Variants in SAMMSON observed in about 807,000 individuals in gnomAD.
SAMMSON encodes long intergenic non-protein coding RNA 1212.
At chr3:70,252,944 G>A (rs6549307) in intron 6 of SAMMSON, among the ~76,000 whole-genome samples, 146,208 of 152,010 alleles carry the variant, frequency 0.96, 70,537 homozygotes, top group Non-Finnish European at 1. Context: ...GCCGGCTGTG[G>A]TGGCAGGCGC....
At chr3:70,392,373 A>C (rs1231704020), downstream of SAMMSON, among the ~76,000 whole-genome samples, 1 of 152,178 alleles carries the variant, frequency 6.6e-6, no homozygotes, top group Non-Finnish European at 1.5e-5. Flanking sequence ...GAAGTTGCAG[A>C]AGGCACAAGC....
At chr3:70,067,527 G>A (rs2067214631) in intron 3 of SAMMSON, among the ~76,000 whole-genome samples, 1 of 151,990 alleles carries the variant, frequency 6.6e-6, no homozygotes, top group Non-Finnish European at 1.5e-5. Flanking sequence ...AGAAAGGAGG[G>A]TTGTCTGGAT....
At chr3:70,204,087 T>G (rs1701267918) in intron 4 of SAMMSON, among the ~76,000 whole-genome samples, 1 of 152,184 alleles carries the variant, frequency 6.6e-6, no homozygotes, top group Admixed American at 6.6e-5. Flanking sequence ...TTACAAAATC[T>G]GCATGTGTGA....
At chr3:70,308,908 G>A (rs1206238635) in intron 7 of SAMMSON, among the ~76,000 whole-genome samples, 4 of 152,114 alleles carry the variant, frequency 2.6e-5, no homozygotes, top group South Asian at 2.1e-4. Context: ...GTTCCAAGCC[G>A]AATAAGGCAT....
intron 3 of SAMMSON, among the ~76,000 whole-genome samples, chr3:70,050,646 A>C (rs2067142611): frequency 6.6e-6 from 1 of 152,130 alleles, no homozygotes; most frequent in African/African-American, 2.4e-5. Flanking sequence ...CTCATGGTTG[A>C]ATCAGATTTG....
At chr3:70,288,939 G>C (rs1350864264) in intron 6 of SAMMSON, among the ~76,000 whole-genome samples, 1 of 151,538 alleles carries the variant, frequency 6.6e-6, no homozygotes, top group Admixed American at 6.6e-5. Context: ...CTTTTATTTT[G>C]AGCCTATGTG....
intron 2 of SAMMSON, among the ~76,000 whole-genome samples, chr3:70,419,671 C>G (rs1701296032): frequency 6.6e-6 from 1 of 152,200 alleles, no homozygotes; most frequent in Admixed American, 6.5e-5. Context: ...CTGAGTCCCG[C>G]TCTGTCACCC....
At chr3:70,146,024 A>G (rs1349573704) in intron 4 of SAMMSON, among the ~76,000 whole-genome samples, 1 of 152,056 alleles carries the variant, frequency 6.6e-6, no homozygotes, top group Non-Finnish European at 1.5e-5. Context: ...ATCACTACAG[A>G]CATTAAAAGG....
intron 7 of SAMMSON, among the ~76,000 whole-genome samples, chr3:70,340,523 T>C (rs569102040): frequency 1.2e-4 from 18 of 152,100 alleles, no homozygotes; most frequent in Non-Finnish European, 2.1e-4. Context: ...TGTACCTAAA[T>C]TGTTGGGACA....
intron 3 of SAMMSON, among the ~76,000 whole-genome samples, chr3:70,055,680 C>T (rs1289455501): frequency 6.6e-6 from 1 of 152,116 alleles, no homozygotes; most frequent in African/African-American, 2.4e-5. Flanking sequence ...TTTTCTAAGG[C>T]ATGTGGAATT....
At chr3:70,232,407 T>C (rs1701568055) in intron 4 of SAMMSON, among the ~76,000 whole-genome samples, 1 of 151,600 alleles carries the variant, frequency 6.6e-6, no homozygotes, top group African/African-American at 2.4e-5. Flanking sequence ...TGTTCCTATT[T>C]TTTTTTTTTT....
chr3:70,172,799 C>T (rs1358493591), intron 4 of SAMMSON: 2 of 151,920 alleles, frequency 1.3e-5, no homozygotes, highest in African/African-American at 2.4e-5. Flanking sequence ...TAACAGGGCA[C>T]ACTTCCTATG....
chr3:70,249,262 G>GATTC (rs1199754490), intron 5 of SAMMSON: 1 of 152,094 alleles, frequency 6.6e-6, no homozygotes, highest in Non-Finnish European at 1.5e-5. Context: ...GACAGAACTG[G>GATTC]ATTCATTCAT....
Position 70,192,952 on chromosome 3 carries a change from G to C in SAMMSON, n.508-56155G>C, listed in dbSNP as rs533235813. ...GGGCGCGGGGGGTTGTGGCTGTCCT[G>C]TGCCTTACGGATGTTTAGCAACATT... On this transcript the variant is annotated intron_variant and non_coding_transcript_variant, in intron 4 of 9. Transcript: ENST00000642114. Among the ~76,000 whole-genome samples, 3 of 152,224 alleles carry C rather than the reference G, an allele frequency of 2.0e-5. 1 individual carries two copies. The South Asian group carries it at 6.2e-4, about 32-fold the overall frequency.
chr3:70,010,718 G>T (rs2066950572), intron 1 of SAMMSON, among the ~76,000 whole-genome samples: 1 of 151,962 alleles, frequency 6.6e-6, no homozygotes, highest in Admixed American at 6.6e-5. Context: ...CCTAGACTGG[G>T]TAATTTATAA....
intron 2 of SAMMSON, among the ~76,000 whole-genome samples, chr3:70,420,697 G>T (rs971037373): frequency 6.6e-6 from 1 of 152,180 alleles, no homozygotes; most frequent in Non-Finnish European, 1.5e-5. Context: ...TCTAGATTCA[G>T]AGATAAAATC....
rs530180404 is a variant in SAMMSON, at chr3:70,203,010, A to G, written n.508-46097A>G. Among the ~76,000 whole-genome samples the G allele has an allele frequency of 9.8e-4, 149 of 152,160 alleles. 2 individuals are homozygous for G. The highest frequency in any genetic ancestry group is 3.5e-3 in the African/African-American group (147 of 41,512). On this transcript the variant is annotated intron_variant and non_coding_transcript_variant, in intron 4 of 9. Coordinates refer to ENST00000642114, the Ensembl canonical transcript of SAMMSON. Reference sequence around the variant, plus strand: ...TCTTGTCACCTTGGTGCCCATGATTAGGAGGTGGGAGGGATAAGAGCACCC... The same window carrying G: ...TCTTGTCACCTTGGTGCCCATGATTGGGAGGTGGGAGGGATAAGAGCACCC...
chr3:70,091,571 C>T (rs1352430921), intron 4 of SAMMSON, among the ~76,000 whole-genome samples: 1 of 152,164 alleles, frequency 6.6e-6, no homozygotes, highest in Non-Finnish European at 1.5e-5. Context: ...CTTGTAGTCA[C>T]CTTGAGCAAT....
rs928465556 is a variant in SAMMSON at position 70,187,427 on chromosome 3, CTTTTTTTTTTTTTTTT to C, written n.508-61667_508-61652del. ...GCATGAGACAGCTCTGGGACCAACT[CTTTTTTTTTTTTTTTT>C]TTTTTTTTTTTTGAGACGGAGTTTC... On this transcript the variant is annotated intron_variant and non_coding_transcript_variant, in intron 4 of 9. Transcript: ENST00000642114. Among the ~76,000 whole-genome samples, 28 of 73,150 alleles carry C rather than the reference CTTTTTTTTTTTTTTTT, an allele frequency of 3.8e-4. 1 individual carries two copies. Among genetic ancestry groups the C allele is most frequent in the Admixed American group, 3.7e-3 (24 of 6,422 alleles). 48.0% of individuals were successfully genotyped at this position (73,150 alleles called of 152,430 possible).
Sources: gnomAD v4.1 joint callset for allele counts (sites outside exome capture counted in the v4.1 genomes callset) on GRCh38, gnomAD v4.1.1 for gene constraint, MANE v1.5 for transcripts, NCBI Gene and HGNC (gene_info 2026-07-23, HGNC 2026-07-21) for gene names.